Variants in SLC24A2 observed in about 807,000 individuals in gnomAD.
The protein encoded by SLC24A2 is solute carrier family 24 member 2.
In SLC24A2, 36 loss-of-function variants were observed where a neutral mutation model predicts 62.0. The ratio of observed to expected loss-of-function variants is 0.58; its 90% CI spans 0.44 to 0.77. SLC24A2 has a LOEUF of 0.77. Ranked by LOEUF, SLC24A2 falls within the 30% of genes least tolerant of loss-of-function variation. The pLI is 0.00. For missense variants in SLC24A2, 846 were observed against 817.9 expected (o/e 1.03, Z -0.42); for synonymous variants, 358 against 294.0 (o/e 1.22, Z -2.23).
chr9:19,728,181 T>C (rs1821228277), intron 2 of SLC24A2, among the ~76,000 whole-genome samples: 1 of 152,122 alleles, frequency 6.6e-6, no homozygotes, highest in Admixed American at 6.5e-5. Flanking sequence ...AGAGCAGCAG[T>C]TCCACTCCAG....
chr9:20,084,713 A>G, the SLC24A2 span, among the ~76,000 whole-genome samples: 27 of 152,198 alleles, frequency 1.8e-4, no homozygotes, highest in Admixed American at 1.2e-3. Context: ...CATTATTTCT[A>G]TGCAACTCAT....
chr9:20,110,513 T>G, the SLC24A2 span, among the ~76,000 whole-genome samples: 1 of 152,190 alleles, frequency 6.6e-6, no homozygotes, highest in Non-Finnish European at 1.5e-5. Flanking sequence ...AAAGGCTGAC[T>G]CTGTGTACTT....
chr9:19,681,565 C>T (rs1004303562), intron 2 of SLC24A2, among the ~76,000 whole-genome samples: 23 of 152,128 alleles, frequency 1.5e-4, no homozygotes, highest in African/African-American at 4.8e-4. Flanking sequence ...GGGGGCAGTG[C>T]AGAAAGCAAA....
In SLC24A2 at chr9:19,760,782, G is replaced by A. The variant is rs139378881; in HGVS notation, c.930+25155C>T. On this transcript the variant is annotated intron_variant, in intron 2 of 10. Transcript: ENST00000341998. ...CAGCCTAACATTGATGGGCATTTGG[G>A]TTGGTTCCAAATGTTTGTTCTATCG... Among the ~76,000 whole-genome samples, 1,400 of 151,682 alleles carry A rather than the reference G, an allele frequency of 9.2e-3. 23 individuals carry two copies. The highest frequency in any genetic ancestry group is 0.063 in the South Asian group (302 of 4,788).
At chr9:19,542,772 C>T (rs188278055) in intron 8 of SLC24A2, among the ~76,000 whole-genome samples, 2 of 152,288 alleles carry the variant, frequency 1.3e-5, no homozygotes, top group Admixed American at 6.5e-5. Flanking sequence ...AGCCTTGCAT[C>T]CCAGGGATGA....
the SLC24A2 span, among the ~76,000 whole-genome samples, chr9:20,077,212 G>C: frequency 2.0e-5 from 3 of 152,070 alleles, no homozygotes; most frequent in South Asian, 6.2e-4. Context: ...AAGGAGTCTA[G>C]AGATCTAATA....
the SLC24A2 span, among the ~76,000 whole-genome samples, chr9:20,306,619 G>A: frequency 7.2e-5 from 11 of 152,354 alleles, no homozygotes; most frequent in East Asian, 3.9e-4. Context: ...GGGCAGGGCC[G>A]TGTTGGGTGT....
chr9:19,560,906 T>C (rs1283077339), intron 7 of SLC24A2, among the ~76,000 whole-genome samples: 4 of 57,536 alleles, frequency 7.0e-5, no homozygotes, highest in South Asian at 2.1e-3. Flanking sequence ...TGTATATATA[T>C]ATATATATAT....
At chr9:19,979,678 C>T in the SLC24A2 span, among the ~76,000 whole-genome samples, 1 of 152,174 alleles carries the variant, frequency 6.6e-6, no homozygotes, top group African/African-American at 2.4e-5. Context: ...GGATGGGCAG[C>T]TGCTGTCCGA....
chr9:20,154,729 T>G, the SLC24A2 span, among the ~76,000 whole-genome samples: 1 of 151,550 alleles, frequency 6.6e-6, no homozygotes, highest in Admixed American at 6.6e-5. Context: ...AAAACTGACT[T>G]GAAAAATTGA....
the SLC24A2 span, among the ~76,000 whole-genome samples, chr9:19,983,483 A>G: frequency 1.3e-5 from 2 of 152,120 alleles, no homozygotes; most frequent in African/African-American, 4.8e-5. Context: ...TCTCTACTAA[A>G]AACACAAAAA....
chr9:20,022,613 A>G, the SLC24A2 span, among the ~76,000 whole-genome samples: 1 of 152,222 alleles, frequency 6.6e-6, no homozygotes, highest in Non-Finnish European at 1.5e-5. Flanking sequence ...TGGAATCATG[A>G]TGACTAAGTT....
At chr9:19,965,249 C>A in the SLC24A2 span, among the ~76,000 whole-genome samples, 1 of 152,022 alleles carries the variant, frequency 6.6e-6, no homozygotes, top group Non-Finnish European at 1.5e-5. Context: ...TGAAGGCAGA[C>A]CGCAGCACTG....
At chr9:19,897,361 T>A in the SLC24A2 span, among the ~76,000 whole-genome samples, 4 of 152,168 alleles carry the variant, frequency 2.6e-5, no homozygotes, top group Non-Finnish European at 5.9e-5. Context: ...AACTTAAAAA[T>A]TCCTTGCCTA....
intron 4 of SLC24A2, among the ~76,000 whole-genome samples, chr9:19,616,224 A>G (rs1001056440): frequency 6.6e-6 from 1 of 152,246 alleles, no homozygotes; most frequent in African/African-American, 2.4e-5. Flanking sequence ...TTTTCAAAAT[A>G]ATGAAGTAGA....
intron 2 of SLC24A2, among the ~76,000 whole-genome samples, chr9:19,663,929 C>G (rs1241480936): frequency 6.6e-6 from 1 of 152,208 alleles, no homozygotes; most frequent in Non-Finnish European, 1.5e-5. Context: ...AATATCCTGT[C>G]TCTCCTTCTA....
At chr9:19,948,242 T>A in the SLC24A2 span, among the ~76,000 whole-genome samples, 2 of 152,190 alleles carry the variant, frequency 1.3e-5, no homozygotes, top group African/African-American at 4.8e-5. Flanking sequence ...AAGTGTATTG[T>A]GTGAGTTGCC....
chr9:19,999,197 C>G, the SLC24A2 span, among the ~76,000 whole-genome samples: 1 of 152,214 alleles, frequency 6.6e-6, no homozygotes, highest in Non-Finnish European at 1.5e-5. Context: ...CTTTGCCTGT[C>G]ACTCCTTCGC....
chr9:19,800,226 G>A, the SLC24A2 span, among the ~76,000 whole-genome samples: 2 of 152,148 alleles, frequency 1.3e-5, no homozygotes, highest in African/African-American at 4.8e-5. Context: ...ACTACTTGTG[G>A]AATAGAAGTC....
Sources: allele counts gnomAD v4.1 joint callset (sites outside exome capture counted in the v4.1 genomes callset), GRCh38; gene constraint gnomAD v4.1.1; transcripts MANE v1.5; gene names NCBI Gene and HGNC (gene_info 2026-07-23, HGNC 2026-07-21).